The following CENPI variants were observed in gnomAD, a reference collection of about 807,000 sequenced individuals.
CENPI encodes FSH primary response 1.
In CENPI, 4 loss-of-function variants were observed where a neutral mutation model predicts 60.4. The ratio of observed to expected loss-of-function variants is 0.07; its 90% CI spans 0.03 to 0.15. The LOEUF is 0.15. Ranked by LOEUF, CENPI falls within the 10% of genes least tolerant of loss-of-function variation. The pLI, the probability that CENPI is intolerant of heterozygous loss-of-function variation, is 1.00. For synonymous variants in CENPI, 157 were observed against 189.4 expected (o/e 0.83, Z 1.40); for missense variants, 444 against 534.5 (o/e 0.83, Z 1.67).
At chrX:101,099,384 A>G (rs1302892828) in intron 2 of CENPI, among the ~76,000 whole-genome samples, 18 of 106,650 alleles carry the variant, frequency 1.7e-4, no homozygotes, top group Admixed American at 6.1e-4. Flanking sequence ...GCCGAGATAG[A>G]GATTGCGCCA....
intron 4 of CENPI, among the ~76,000 whole-genome samples, chrX:101,108,051 G>A (rs1014362848): frequency 1.8e-5 from 2 of 109,612 alleles, no homozygotes; most frequent in Non-Finnish European, 3.8e-5. Context: ...TACTGTGCCC[G>A]GCAAAATTCA....
chrX:101,102,205 C>A (rs12156858), intron 3 of CENPI, 69 bp from the exon 4 acceptor site: 1 of 872,089 alleles, frequency 1.1e-6, no homozygotes, highest in Admixed American at 3.2e-5. Context: ...GTTCCAAATT[C>A]TTATTATTGA....
chrX:101,135,058 G>T (rs1030302677), intron 15 of CENPI, among the ~76,000 whole-genome samples: 2 of 111,357 alleles, frequency 1.8e-5, no homozygotes, highest in African/African-American at 6.5e-5. Flanking sequence ...TTAAGGGATT[G>T]AATGTCTCTG....
intron 6 of CENPI, among the ~76,000 whole-genome samples, chrX:101,119,884 G>A (rs182989009): frequency 1.4e-3 from 155 of 111,837 alleles, no homozygotes; most frequent in Non-Finnish European, 2.3e-3. Context: ...GCCAGGTGCA[G>A]TGGCTCATGC....
At chrX:101,158,072 G>A (rs2090070059) in intron 20 of CENPI, among the ~76,000 whole-genome samples, 1 of 111,001 alleles carries the variant, frequency 9.0e-6, no homozygotes, top group South Asian at 3.7e-4. Flanking sequence ...TCTGTGCTTG[G>A]CTTATTTCAT....
At chrX:101,180,331 C>T in the CENPI span, among the ~76,000 whole-genome samples, 1 of 110,612 alleles carries the variant, frequency 9.0e-6, no homozygotes, top group Non-Finnish European at 1.9e-5. Context: ...GAGATAAGGT[C>T]TCACTATGTT....
intron 4 of CENPI, among the ~76,000 whole-genome samples, chrX:101,104,266 G>A (rs1414212437): frequency 8.9e-6 from 1 of 112,767 alleles, no homozygotes; most frequent in Non-Finnish European, 1.9e-5. Flanking sequence ...GAGCCAGTGT[G>A]CCCAGCTAAG....
intron 15 of CENPI, among the ~76,000 whole-genome samples, chrX:101,135,144 AAAT>A (rs2089834099): frequency 8.9e-6 from 1 of 111,917 alleles, no homozygotes; most frequent in South Asian, 3.7e-4. Flanking sequence ...ACAAAGAAAA[AAAT>A]AATAGATTTT....
At chrX:101,175,205 CTT>C in the CENPI span, among the ~76,000 whole-genome samples, 2 of 112,407 alleles carry the variant, frequency 1.8e-5, no homozygotes, top group African/African-American at 3.2e-5. Context: ...ATTTCAATAA[CTT>C]AACCCCATTT....
At chrX:101,143,515 T>TG (rs2089934536) in intron 16 of CENPI, among the ~76,000 whole-genome samples, 1 of 111,708 alleles carries the variant, frequency 9.0e-6, no homozygotes, top group Non-Finnish European at 1.9e-5. Flanking sequence ...TGAATTCAAG[T>TG]GAAAAAAAAA....
chrX:101,156,021 T>C (rs748846756), intron 20 of CENPI, among the ~76,000 whole-genome samples: 1 of 96,380 alleles, frequency 1.0e-5, no homozygotes, highest in African/African-American at 3.7e-5. Flanking sequence ...TTTTTTTTTC[T>C]TTTTTTTTGA....
chrX:101,103,935 GATC>G (rs2089453196), intron 4 of CENPI, among the ~76,000 whole-genome samples: 1 of 111,423 alleles, frequency 9.0e-6, no homozygotes, highest in Non-Finnish European at 1.9e-5. Flanking sequence ...CATCTTAAAA[GATC>G]ACTTAGTCTA....
At chrX:101,105,246 C>T (rs1304928543) in intron 4 of CENPI, among the ~76,000 whole-genome samples, 2 of 111,636 alleles carry the variant, frequency 1.8e-5, no homozygotes, top group African/African-American at 3.2e-5. Flanking sequence ...GAGTAGGGGC[C>T]GGGTGCAGTG....
At position 101,128,698 on chromosome X, in the gene CENPI, G is replaced by A. The variant is rs2089763014; in HGVS notation, c.1075-18G>A. The stretch of plus-strand genomic sequence containing the variant: ...TTTTCAGATACTTAACTGTTGATCG[G>A]TTGTTCTGTCATTGCAGCTGCCTTC... On this transcript the variant is annotated intron_variant, in intron 11 of 21. Transcript: ENST00000682095. The A allele has an allele frequency of 8.3e-7, 1 of 1,198,245 alleles. No homozygotes were observed. The highest frequency in any genetic ancestry group is 1.1e-6 in the Non-Finnish European group (1 of 886,555).
chrX:101,121,184 A>G (rs992674627), intron 8 of CENPI, among the ~76,000 whole-genome samples: 1 of 111,319 alleles, frequency 9.0e-6, no homozygotes, highest in African/African-American at 3.3e-5. Context: ...CCTATCACTC[A>G]TTATCTTTAA....
intron 4 of CENPI, 142 bp from the exon 5 acceptor site, chrX:101,109,331 A>G: frequency 2.1e-6 from 1 of 465,880 alleles, no homozygotes; most frequent in East Asian, 3.7e-5. Context: ...TCTGCCCACC[A>G]TGGCCTCCCA....
intron 18 of CENPI, among the ~76,000 whole-genome samples, chrX:101,146,496 G>A (rs1471188651): frequency 1.8e-5 from 2 of 111,396 alleles, no homozygotes; most frequent in Non-Finnish European, 3.8e-5. Context: ...AAAATTCATA[G>A]TTAAGGACTT....
At chrX:101,099,892 A>C (rs2089394141) in intron 2 of CENPI, 1 of 102,552 alleles carries the variant, frequency 9.8e-6, no homozygotes. Flanking sequence ...GGCTCAAGCT[A>C]TTCTCCTGCC....
At position 101,147,974 on chromosome X, in the gene CENPI, C is replaced by T. The variant is rs1245738400; in HGVS notation, c.1907C>T (p.Thr636Ile). The T allele has an allele frequency of 8.3e-7, 1 of 1,205,730 alleles. No individual in the cohort carries two copies. Among genetic ancestry groups the T allele is most frequent in the Admixed American group, 2.2e-5 (1 of 44,973 alleles). The change falls in exon 20 of 22, where the codon ACT becomes ATT. Residue 636 changes from threonine to isoleucine, a missense_variant. Physicochemically the swap from Thr to Ile is moderately conservative, Grantham distance 89. Transcript: ENST00000682095. ...TCAGAGTTCAATTTCAGCAGCAAGA[C>T]TTATCAAGAATTTAATCACTATTTG... is the stretch of plus-strand genomic sequence containing the variant. ...TKSEFNFSSK[T>I]YQEFNHYLTS... is the part of the protein sequence containing the mutation.
Sources: gnomAD v4.1 joint callset for allele counts (sites outside exome capture counted in the v4.1 genomes callset) on GRCh38, gnomAD v4.1.1 for gene constraint, MANE v1.5 for transcripts, NCBI Gene and HGNC (gene_info 2026-07-23, HGNC 2026-07-21) for gene names.